The following SORBS2 variants were observed in gnomAD, a reference collection of about 807,000 sequenced individuals.
SORBS2 encodes the protein sorbin and SH3 domain-containing protein 2.
A neutral mutation model predicts 97.7 loss-of-function variants in SORBS2; 46 were observed. The observed-to-expected ratio is 0.47, with a 90% confidence interval of 0.37 to 0.60. The LOEUF is 0.60. Ranked by LOEUF, SORBS2 falls within the 20% of genes least tolerant of loss-of-function variation. The pLI, the probability that SORBS2 is intolerant of heterozygous loss-of-function variation, is 0.00. For missense variants in SORBS2, 1,316 were observed against 1,282.3 expected (o/e 1.03, Z -0.40); for synonymous variants, 476 against 473.4 (o/e 1.01, Z -0.07).
Position 185,612,436 on chromosome 4 carries a change from A to G in SORBS2, c.2596-456T>C, listed in dbSNP as rs114695471. 4.4e-3 allele frequency among the ~76,000 whole-genome samples: 666 copies of G among 152,148 alleles called. 5 individuals carry two copies. The highest frequency in any genetic ancestry group is 6.0e-3 in the Non-Finnish European group (407 of 67,990). On this transcript the variant is annotated intron_variant, in intron 11 of 14. Transcript: ENST00000418609. Reference sequence around the variant, plus strand: ...GGTCTGTCTGAAATGGGTTACAGAAAACACCTCTAGAAGGGAGAACATCGA... The same window carrying G: ...GGTCTGTCTGAAATGGGTTACAGAAGACACCTCTAGAAGGGAGAACATCGA...
chr4:185,864,892 A>C lies in SORBS2; in HGVS notation c.-337-89526T>G, dbSNP rs180792221. On this transcript the variant is annotated intron_variant, in intron 1 of 20. Coordinates refer to the SORBS2 transcript ENST00000284776. ...AAGCCACTGCACTCCAGCCTGGGCG[A>C]TAGAGTGAGACTCTGTCTCAAAAAA... Among the ~76,000 whole-genome samples, 45 of 148,762 alleles carry C rather than the reference A, an allele frequency of 3.0e-4. 1 individual carries two copies. The highest frequency in any genetic ancestry group is 3.5e-3 in the Middle Eastern group (1 of 286).
At chr4:185,638,923 C>A in intron 4 of SORBS2, 1 of 1,502,564 alleles carries the variant, frequency 6.7e-7, no homozygotes, top group Non-Finnish European at 8.9e-7. Context: ...TGTGGGGGCG[C>A]CACTCCGGGG....
At chr4:185,633,594 A>G (rs2096942963) in intron 4 of SORBS2, among the ~76,000 whole-genome samples, 1 of 152,050 alleles carries the variant, frequency 6.6e-6, no homozygotes. Flanking sequence ...GGAATTCAAT[A>G]GTTAACAAGA....
intron 12 of SORBS2, among the ~76,000 whole-genome samples, chr4:185,611,440 A>C (rs998830884): frequency 6.6e-6 from 1 of 151,826 alleles, no homozygotes; most frequent in Non-Finnish European, 1.5e-5. Flanking sequence ...ATAAAAATGA[A>C]GCTTTAGGAA....
chr4:185,670,197 T>C (rs973805490), intron 4 of SORBS2, among the ~76,000 whole-genome samples: 1 of 152,038 alleles, frequency 6.6e-6, no homozygotes, highest in Non-Finnish European at 1.5e-5. Context: ...CCAGCCTGGG[T>C]GACAGAGCAA....
intron 2 of SORBS2, among the ~76,000 whole-genome samples, chr4:185,679,306 C>G (rs1363052010): frequency 2.0e-5 from 3 of 152,076 alleles, no homozygotes; most frequent in African/African-American, 7.2e-5. Flanking sequence ...TCTACCATAT[C>G]ATGTGACATT....
intron 5 of SORBS2, 40 bp downstream of exon 8, chr4:185,662,064 T>A: frequency 6.2e-7 from 1 of 1,610,900 alleles, no homozygotes; most frequent in Non-Finnish European, 8.5e-7. Flanking sequence ...ACTTGCCGCA[T>A]TGAGGTTGCC....
chr4:185,818,380 G>A (rs942699830), intron 1 of SORBS2, among the ~76,000 whole-genome samples: 1 of 151,950 alleles, frequency 6.6e-6, no homozygotes, highest in African/African-American at 2.4e-5. Context: ...TAGTAGAAAC[G>A]GAGTTTCACC....
At chr4:185,668,568 A>G (rs1040384636) in intron 4 of SORBS2, among the ~76,000 whole-genome samples, 3 of 152,246 alleles carry the variant, frequency 2.0e-5, no homozygotes, top group South Asian at 2.1e-4. Flanking sequence ...CATGAATGGA[A>G]TATACCCTGT....
At chr4:185,731,928 C>T (rs1006304172) in intron 2 of SORBS2, among the ~76,000 whole-genome samples, 1 of 131,910 alleles carries the variant, frequency 7.6e-6, no homozygotes, top group African/African-American at 2.9e-5. Context: ...CTCTGTCTCA[C>T]TCTAGATATA....
At chr4:185,853,410 A>G (rs1042114405) in intron 1 of SORBS2, among the ~76,000 whole-genome samples, 3 of 152,182 alleles carry the variant, frequency 2.0e-5, no homozygotes, top group African/African-American at 7.2e-5. Context: ...GTTCGTTCAT[A>G]TACAGAATTT....
chr4:185,605,504 G>C (rs980972677), intron 12 of SORBS2, among the ~76,000 whole-genome samples: 5 of 151,468 alleles, frequency 3.3e-5, no homozygotes, highest in African/African-American at 9.8e-5. Context: ...GGTTGGTTTC[G>C]AACTCCTGAC....
At chr4:185,747,356 G>A (rs370716824) in intron 2 of SORBS2, among the ~76,000 whole-genome samples, 12 of 152,240 alleles carry the variant, frequency 7.9e-5, no homozygotes, top group African/African-American at 2.9e-4. Flanking sequence ...GGCTTTAAAC[G>A]ATGAACAAGG....
intron 1 of SORBS2, among the ~76,000 whole-genome samples, chr4:185,860,811 C>T (rs996439798): frequency 1.3e-5 from 2 of 152,106 alleles, no homozygotes; most frequent in African/African-American, 2.4e-5. Context: ...TATCTAAACA[C>T]CTGGACTCAA....
intron 1 of SORBS2, among the ~76,000 whole-genome samples, chr4:185,873,346 T>C (rs11723186): frequency 0.22 from 33,320 of 152,136 alleles, 4,177 homozygotes; most frequent in East Asian, 0.54. Context: ...CTTCTATTTT[T>C]CCTTCCCCTG....
intron 1 of SORBS2, among the ~76,000 whole-genome samples, chr4:185,827,206 AT>A: frequency 7.0e-6 from 1 of 142,486 alleles, no homozygotes; most frequent in Admixed American, 7.2e-5. Context: ...CATCATCACC[AT>A]CATCACCATC....
chr4:185,704,580 A>G (rs2098313673), intron 2 of SORBS2, among the ~76,000 whole-genome samples: 2 of 152,012 alleles, frequency 1.3e-5, no homozygotes, highest in Non-Finnish European at 2.9e-5. Context: ...CGGCCTCCCA[A>G]AGTGCTGGGA....
intron 1 of SORBS2, among the ~76,000 whole-genome samples, chr4:185,888,812 G>A (rs965951532): frequency 6.6e-6 from 1 of 152,282 alleles, no homozygotes; most frequent in African/African-American, 2.4e-5. Flanking sequence ...TCAACACAGG[G>A]AAAGCCCCGG....
At chr4:185,900,599 G>C (rs2099247201) in intron 1 of SORBS2, among the ~76,000 whole-genome samples, 1 of 151,636 alleles carries the variant, frequency 6.6e-6, no homozygotes. Flanking sequence ...TATAGAGAGA[G>C]AAAAAAAATT....
Sources: gnomAD v4.1 joint callset for allele counts (sites outside exome capture counted in the v4.1 genomes callset) on GRCh38, gnomAD v4.1.1 for gene constraint, MANE v1.5 for transcripts, NCBI Gene and HGNC (gene_info 2026-07-23, HGNC 2026-07-21) for gene names.